TMCO4: variants seen among roughly 807,000 people sequenced by gnomAD.
TMCO4 encodes transmembrane and coiled-coil domains 4.
Under a neutral mutation model 64.7 loss-of-function variants are expected in TMCO4, and 58 were observed. The ratio of observed to expected loss-of-function variants is 0.90; its 90% CI spans 0.73 to 1.12. TMCO4 has a LOEUF of 1.12. Among genes scored for constraint, TMCO4 ranks in the 50% most tolerant of loss-of-function variants. The pLI, the probability that TMCO4 is intolerant of heterozygous loss-of-function variation, is 0.00. For missense variants in TMCO4, 780 were observed against 825.9 expected (o/e 0.94, Z 0.68); for synonymous variants, 325 against 346.1 (o/e 0.94, Z 0.68).
At chr1:19,748,441 GT>G (rs1433115083) in intron 7 of TMCO4, among the ~76,000 whole-genome samples, 3 of 152,212 alleles carry the variant, frequency 2.0e-5, no homozygotes, top group Non-Finnish European at 4.4e-5. Flanking sequence ...AAAAATGTAT[GT>G]GCTCAACCAG....
chr1:19,701,505 A>G (rs2095272155), intron 13 of TMCO4, among the ~76,000 whole-genome samples: 1 of 152,142 alleles, frequency 6.6e-6, no homozygotes, highest in African/African-American at 2.4e-5. Context: ...AGGAAAACCA[A>G]AGATATCTGC....
At position 19,743,450 on chromosome 1, in the gene TMCO4, G is replaced by A. The variant is rs534139493; in HGVS notation, c.877+2082C>T. ...GATAAGGCTTCTTTTCCTGGCTCTC[G>A]AGGAGGTAGGAATATGTGATATTTT... is the stretch of plus-strand genomic sequence containing the variant. On this transcript the variant is annotated intron_variant, in intron 10 of 15. Transcript: ENST00000294543. This position sits in a 1 kb window ranked among gnomAD's most constrained non-coding sequence, Gnocchi z 4.1. Among the ~76,000 whole-genome samples, 31 of 152,270 alleles carry A rather than the reference G, an allele frequency of 2.0e-4. 1 individual carries two copies. The highest frequency in any genetic ancestry group is 6.3e-4 in the African/African-American group (26 of 41,544).
chr1:19,764,082 T>C (rs1234386058), intron 6 of TMCO4, among the ~76,000 whole-genome samples: 1 of 152,238 alleles, frequency 6.6e-6, no homozygotes, highest in Non-Finnish European at 1.5e-5. Context: ...TTCTTGGATG[T>C]AGGATCAGTA....
At chr1:19,774,909 G>T (rs1199277936) in intron 4 of TMCO4, among the ~76,000 whole-genome samples, 1 of 152,098 alleles carries the variant, frequency 6.6e-6, no homozygotes, top group Non-Finnish European at 1.5e-5. Context: ...GACCCCAGAG[G>T]CTATGCATAC....
At chr1:19,766,159 C>A (rs1570953503) in intron 6 of TMCO4, among the ~76,000 whole-genome samples, 1 of 152,170 alleles carries the variant, frequency 6.6e-6, no homozygotes, top group South Asian at 2.1e-4. Flanking sequence ...TCTATTGCAC[C>A]CTCCTTTTTT....
rs146484072 is a variant in TMCO4 at position 19,747,226 on chromosome 1, G to C, written c.550C>G (p.Arg184Gly). The C allele has an allele frequency of 1.9e-6, 3 of 1,613,938 alleles. No individual in the cohort carries two copies. The highest frequency in any genetic ancestry group is 2.5e-6 in the Non-Finnish European group (3 of 1,179,946). Reference sequence around the variant, plus strand: ...AGGAGATAACGCTTCCATTTCCTCCGGTTTTCTTTCTTCTTTCGGGATGCC... The same window carrying C: ...AGGAGATAACGCTTCCATTTCCTCCCGTTTTCTTTCTTCTTTCGGGATGCC... ...AEASRKKKEN[R>G]RKWKRYLLIG... The change falls in exon 8 of 16, where the codon CGG (arginine) becomes GGG (glycine). Residue 184 changes from arginine to glycine, a missense_variant. By Grantham distance (125) the Arg-to-Gly change is moderately radical. Transcript: ENST00000294543.
intron 13 of TMCO4, among the ~76,000 whole-genome samples, chr1:19,712,384 G>T (rs150355885): frequency 0.054 from 8,165 of 152,158 alleles, 329 homozygotes; most frequent in Admixed American, 0.11. Flanking sequence ...ACTTTGGGAG[G>T]CTGAGGCAGG....
chr1:19,768,188 C>T (rs1437820341), intron 6 of TMCO4, among the ~76,000 whole-genome samples: 3 of 152,102 alleles, frequency 2.0e-5, no homozygotes, highest in Non-Finnish European at 4.4e-5. Context: ...AACCACCTCA[C>T]TGGAGGACGA....
Position 19,682,586 on chromosome 1 carries a change from G to T in TMCO4, c.*454C>A. ...GTTGATGGTGCCTGTCAGCTGGTGG[G>T]CAGCCCTGGAGTGTGGATGGAAGAA... On this transcript the variant is annotated 3_prime_UTR_variant, in exon 16 of 16. Transcript: ENST00000294543. The T allele has an allele frequency of 1.4e-6, 1 of 715,656 alleles. No homozygotes were observed. The highest frequency in any genetic ancestry group is 1.5e-5 in the South Asian group (1 of 67,532). The allele number at this position is 715,656 out of a possible 1,614,324, so 44.3% of individuals were successfully genotyped here.
intron 13 of TMCO4, among the ~76,000 whole-genome samples, chr1:19,722,649 G>A (rs2095390397): frequency 6.6e-6 from 1 of 152,198 alleles, no homozygotes; most frequent in Non-Finnish European, 1.5e-5. Flanking sequence ...TAGAAAGTGT[G>A]TCTGCAAATG....
At position 19,740,966 on chromosome 1, in the gene TMCO4, G is replaced by A. The variant is rs780849703; in HGVS notation, c.878-25C>T. On this transcript the variant is annotated intron_variant, in intron 10 of 15. Transcript: ENST00000294543. ...CCTGGGGAGATCACAGGTAGGTGAAGTCTCTCTTGTCTATGGCAGAGGATG... is the reference window on the plus strand; with the variant it reads ...CCTGGGGAGATCACAGGTAGGTGAAATCTCTCTTGTCTATGGCAGAGGATG... 1.9e-6 allele frequency: 3 copies of A among 1,574,712 alleles called. No individual in the cohort carries two copies. The East Asian group carries it at 6.8e-5, about 35-fold the overall frequency.
In TMCO4 at chr1:19,746,450, C is replaced by A. The variant is rs760042015; in HGVS notation, c.757+6G>T. On this transcript the variant is annotated splice_donor_region_variant and intron_variant, in intron 9 of 15. Transcript: ENST00000294543. ...CTCTGAACCCATCATTCCTTTTGAA[C>A]CTTACCTGTCAGGCCAGCTCCAGCT... The A allele has an allele frequency of 1.9e-6, 3 of 1,613,182 alleles. No individual in the cohort carries two copies. The African/African-American group carries it at 4.0e-5, about 21-fold the overall frequency.
chr1:19,748,822 TCGAA>T (rs1433714109), intron 7 of TMCO4, among the ~76,000 whole-genome samples: 12 of 131,306 alleles, frequency 9.1e-5, no homozygotes, highest in African/African-American at 3.2e-4. Flanking sequence ...AGACCCTGTC[TCGAA>T]TGAATGAGTG....
Position 19,734,657 on chromosome 1 carries a change from C to G in TMCO4, c.1264+2715G>C, listed in dbSNP as rs561837728. 6.6e-6 allele frequency among the ~76,000 whole-genome samples: 1 copy of G among 152,124 alleles called. No homozygotes were observed. The highest frequency in any genetic ancestry group is 2.4e-5 in the African/African-American group (1 of 41,426). ...CACCAGATGCCACCGTTTCTAGACACCCCTGAGAGCCCCGCCTTTGCCCAT... is the reference window on the plus strand; with the variant it reads ...CACCAGATGCCACCGTTTCTAGACAGCCCTGAGAGCCCCGCCTTTGCCCAT... On this transcript the variant is annotated intron_variant, in intron 13 of 15. Transcript: ENST00000294543. This position sits in a 1 kb window ranked among gnomAD's most constrained non-coding sequence, Gnocchi z 4.4.
intron 13 of TMCO4, among the ~76,000 whole-genome samples, chr1:19,721,164 G>T (rs150311077): frequency 4.4e-4 from 67 of 152,290 alleles, no homozygotes; most frequent in African/African-American, 1.4e-3. Flanking sequence ...TTCTGAGTGA[G>T]GGGGAGGCCT....
At chr1:19,742,310 A>G (rs1186104846) in intron 10 of TMCO4, among the ~76,000 whole-genome samples, 1 of 152,152 alleles carries the variant, frequency 6.6e-6, no homozygotes, top group Non-Finnish European at 1.5e-5. Context: ...TTTGCCAAGC[A>G]CTGTATTCCC....
Position 19,694,507 on chromosome 1 carries a change from T to A in TMCO4, c.1427A>T (p.Gln476Leu). 1 of 1,614,086 alleles carries A rather than the reference T, an allele frequency of 6.2e-7. No homozygotes were observed. The highest frequency in any genetic ancestry group is 2.2e-5 in the East Asian group (1 of 44,872). ...GGGCTGTAGGCCGGCGACACGGAGC[T>A]GCACCGAGGATGTGCGGTACACGAA... ...LSFVYRTSSV[Q>L]LRVAGLQPVL... The change falls in exon 15 of 16, where the codon CAG becomes CTG. Residue 476 changes from glutamine (Q) to leucine (L), a missense_variant. By Grantham distance (113) the Gln-to-Leu change is moderately radical (BLOSUM62 -2). Transcript: ENST00000294543.
intron 7 of TMCO4, among the ~76,000 whole-genome samples, chr1:19,753,046 G>A (rs1359204780): frequency 1.3e-5 from 2 of 151,274 alleles, no homozygotes; most frequent in Non-Finnish European, 2.9e-5. Context: ...TGCAACCTCC[G>A]CCTCCTGGGT....
intron 9 of TMCO4, 98 bp from the exon 10 acceptor site, chr1:19,745,749 A>G: frequency 7.0e-7 from 1 of 1,433,874 alleles, no homozygotes; most frequent in Non-Finnish European, 9.4e-7. Flanking sequence ...AGTGAGCACC[A>G]TCTGTGTGCC....
Sources: allele counts gnomAD v4.1 joint callset (sites outside exome capture counted in the v4.1 genomes callset), GRCh38; gene constraint gnomAD v4.1.1; non-coding constraint Gnocchi (gnomAD v3.1); transcripts MANE v1.5; gene names NCBI Gene and HGNC (gene_info 2026-07-23, HGNC 2026-07-21).